The following ST14 variants were observed in gnomAD, a reference collection of about 807,000 sequenced individuals.
ST14 encodes suppressor of tumorigenicity 14 protein.
ST14 carries 40 observed loss-of-function variants against 96.5 expected under a neutral mutation model. The observed-to-expected ratio is 0.41, with a 90% CI of 0.32 to 0.54. ST14 has a LOEUF of 0.54. ST14 is among the 20% of genes least tolerant of loss of function. The pLI is 0.17. For synonymous variants in ST14, 506 were observed against 492.1 expected, an observed-to-expected ratio of 1.03 and a Z score of -0.37; for missense variants, 1,066 against 1,188.9, an observed-to-expected ratio of 0.90 and a Z score of 1.52.
intron 6 of ST14, 150 bp from the exon 7 acceptor site, chr11:130,190,304 G>A (rs1953283565): frequency 1.4e-6 from 2 of 1,478,160 alleles, no homozygotes; most frequent in East Asian, 2.3e-5. Context: ...CTTCTGAGAA[G>A]CCCCCTTCCT....
rs776827248 is a variant in ST14 at position 130,209,586 on chromosome 11, C to T, written c.2406+8C>T. 4 of 1,581,034 alleles carry T rather than the reference C, an allele frequency of 2.5e-6. No homozygotes were observed. Among genetic ancestry groups the T allele is most frequent in the South Asian group, 2.3e-5 (2 of 88,184 alleles). The stretch of plus-strand genomic sequence containing the variant: ...GGCGTGGACTCCTGCCAGGTGGCCC[C>T]CGGGGCAGGAGGGCGGCAGGTGGGC... On this transcript the variant is annotated splice_region_variant and intron_variant, in intron 18 of 18. Transcript: ENST00000278742.
intron 1 of ST14, among the ~76,000 whole-genome samples, chr11:130,175,726 C>T (rs779991636): frequency 3.3e-5 from 5 of 151,414 alleles, no homozygotes; most frequent in East Asian, 1.9e-4. Context: ...TGCAATGGTG[C>T]GATCTCGGCT....
intron 5 of ST14, 84 bp from the exon 6 acceptor site, chr11:130,190,029 G>T (rs150137736): frequency 1.9e-6 from 3 of 1,611,082 alleles, no homozygotes; most frequent in Non-Finnish European, 2.5e-6. Flanking sequence ...TGCTGGCCGG[G>T]CACCTCCCTT....
chr11:130,198,909 A>T (rs1953398597), intron 14 of ST14, 38 bp from the exon 15 acceptor site: 3 of 1,613,160 alleles, frequency 1.9e-6, no homozygotes, highest in Non-Finnish European at 2.5e-6. Flanking sequence ...GATGCTGCAG[A>T]GGAATTGAGC....
At chr11:130,199,846 G>A in intron 15 of ST14, 105 bp from the exon 16 acceptor site, 1 of 1,442,104 alleles carries the variant, frequency 6.9e-7, no homozygotes, top group East Asian at 2.3e-5. Flanking sequence ...CACGCCAAAA[G>A]CTGGCTTCCC....
chr11:130,187,839 C>T lies in ST14; in HGVS notation c.82-275C>T, dbSNP rs111414095. On this transcript the variant is annotated intron_variant, in intron 1 of 18. Coordinates refer to ENST00000278742, the MANE Select transcript of ST14 (RefSeq NM_021978.4). The surrounding 1 kb of genome is among the most constrained non-coding windows in gnomAD (Gnocchi z 4.5). ...TGCGTTTTAATTTAAATGAACAATT[C>T]GTAAGCAATGATCGCCTGGTGCTGT... is the stretch of plus-strand genomic sequence containing the variant. Among the ~76,000 whole-genome samples, 8 of 152,144 alleles carry T rather than the reference C, an allele frequency of 5.3e-5. No homozygotes were observed. The highest frequency in any genetic ancestry group is 1.3e-4 in the Admixed American group (2 of 15,278).
chr11:130,202,982 T>G (rs1953445793), intron 16 of ST14, among the ~76,000 whole-genome samples: 2 of 152,122 alleles, frequency 1.3e-5, no homozygotes, highest in South Asian at 4.1e-4. Flanking sequence ...GGCTGCATCT[T>G]CACAATCAGT....
rs539769814 is a variant in ST14 at position 130,205,142 on chromosome 11, T to G, written c.1995-3268T>G. On this transcript the variant is annotated intron_variant, in intron 16 of 18. Coordinates refer to ENST00000278742, the MANE Select transcript of ST14 (RefSeq NM_021978.4). ...GGACTAGTACAGTGAACACTTTTTTTTTTGAGACAGAGTCTCACTCTGTCC... is the reference window on the plus strand; with the variant it reads ...GGACTAGTACAGTGAACACTTTTTTGTTTGAGACAGAGTCTCACTCTGTCC... 8.5e-5 allele frequency among the ~76,000 whole-genome samples: 13 copies of G among 152,306 alleles called. No homozygotes were observed. In the South Asian group the frequency reaches 2.7e-3, roughly 32 times the overall value.
At chr11:130,189,359 G>A in intron 4 of ST14, 1 of 444,248 alleles carries the variant, frequency 2.3e-6, no homozygotes, top group South Asian at 2.4e-5. Flanking sequence ...TTGCTAGTTC[G>A]TTTGAACCCT....
chr11:130,207,883 C>T (rs1953505079), intron 16 of ST14, among the ~76,000 whole-genome samples: 1 of 152,130 alleles, frequency 6.6e-6, no homozygotes, highest in Admixed American at 6.5e-5. Context: ...CCAGCCTGAC[C>T]ACCATGATGA....
rs149056547 is a variant in ST14 at position 130,189,791 on chromosome 11, C to G, written c.493C>G (p.Leu165Val). Residue 165 changes from leucine (L) to valine (V), a missense_variant, in exon 5 of 19, where the codon CTG becomes GTG. By Grantham distance (32) the Leu-to-Val change is conservative. Transcript: ENST00000278742. ...YWSEFSIPQHLVEEAERVMAE... is the reference protein window; with the variant it reads ...YWSEFSIPQHVVEEAERVMAE... ...GTCTGAGTTCAGCATCCCGCAGCAC[C>G]TGGTGGAGGAGGCCGAGCGCGTCAT... is the stretch of plus-strand genomic sequence containing the variant. 1.2e-5 allele frequency: 20 copies of G among 1,613,848 alleles called. No individual in the cohort carries two copies. Among genetic ancestry groups the G allele is most frequent in the Admixed American group, 1.7e-5 (1 of 60,034 alleles).
Position 130,189,739 on chromosome 11 carries a change from C to A in ST14, c.441C>A (p.Ser147Arg). The change falls in exon 5 of 19, where the codon AGC (serine) becomes AGA (arginine). Residue 147 changes from serine to arginine, a missense_variant and splice_region_variant. Physicochemically the swap from Ser to Arg is moderately radical, Grantham distance 110. Coordinates refer to ENST00000278742, the MANE Select transcript of ST14 (RefSeq NM_021978.4). ...CCTCAGGCTCCCGCTCTCTCCCCAG[C>A]GAGGGCAGCGTCATCGCCTACTACT... ...YHKESAVTAFSEGSVIAYYWS... is the reference protein window; with the variant it reads ...YHKESAVTAFREGSVIAYYWS... 6.2e-7 allele frequency: 1 copy of A among 1,611,670 alleles called. No individual in the cohort carries two copies. Among genetic ancestry groups the A allele is most frequent in the Non-Finnish European group, 8.5e-7 (1 of 1,179,868 alleles).
At chr11:130,196,976 C>G (rs4245087) in intron 11 of ST14, among the ~76,000 whole-genome samples, 1 of 151,792 alleles carries the variant, frequency 6.6e-6, no homozygotes, top group African/African-American at 2.4e-5. Flanking sequence ...TGAGCTTCCC[C>G]GGCCATCTGT....
Position 130,194,774 on chromosome 11 carries a change from G to A in ST14, c.1113+37G>A, listed in dbSNP as rs770308361. On this transcript the variant is annotated intron_variant, in intron 9 of 18. Coordinates refer to ENST00000278742, the MANE Select transcript of ST14 (RefSeq NM_021978.4). ...GGGGCGTGTGAACGTGTGTGTGTGT[G>A]AGCATGTATGTGCACGTGTGTGTGT... The A allele has an allele frequency of 8.1e-6, 13 of 1,598,990 alleles. No individual in the cohort carries two copies. The South Asian group carries it at 1.1e-4, about 14-fold the overall frequency.
rs111414095 is a variant in ST14 at position 130,187,839 on chromosome 11, C to G, written c.82-275C>G. 6.6e-6 allele frequency among the ~76,000 whole-genome samples: 1 copy of G among 152,144 alleles called. No homozygotes were observed. The highest frequency in any genetic ancestry group is 1.9e-4 in the East Asian group (1 of 5,180). Reference sequence around the variant, plus strand: ...TGCGTTTTAATTTAAATGAACAATTCGTAAGCAATGATCGCCTGGTGCTGT... The same window carrying G: ...TGCGTTTTAATTTAAATGAACAATTGGTAAGCAATGATCGCCTGGTGCTGT... On this transcript the variant is annotated intron_variant, in intron 1 of 18. Coordinates refer to ENST00000278742, the MANE Select transcript of ST14 (RefSeq NM_021978.4). This position sits in a 1 kb window ranked among gnomAD's most constrained non-coding sequence, Gnocchi z 4.5.
chr11:130,190,055 C>T (rs1302181110), intron 5 of ST14, 58 bp from the exon 6 acceptor site: 2 of 1,613,068 alleles, frequency 1.2e-6, no homozygotes, highest in Admixed American at 1.7e-5. Context: ...AATAAGGAAG[C>T]AGGAATAAGG....
chr11:130,167,757 T>C (rs1439722068), intron 1 of ST14, among the ~76,000 whole-genome samples: 1 of 151,988 alleles, frequency 6.6e-6, no homozygotes, highest in East Asian at 1.9e-4. Flanking sequence ...CTCTGTCGCC[T>C]AGGCTGGAGT....
rs767980745 is a variant in ST14, at chr11:130,198,633, C to G, written c.1684+12C>G. The G allele has an allele frequency of 6.8e-6, 11 of 1,608,420 alleles. No individual in the cohort carries two copies. Among genetic ancestry groups the G allele is most frequent in the East Asian group, 2.2e-5 (1 of 44,822 alleles). On this transcript the variant is annotated intron_variant, in intron 14 of 18. Transcript: ENST00000278742. ...CTCCTGCCCCAAGGGTGAGGCCCGC[C>G]CCACCCATCTTCCTGTTGGGGGCCT...
chr11:130,160,300 G>C (rs1035742448), intron 1 of ST14, among the ~76,000 whole-genome samples: 3 of 151,834 alleles, frequency 2.0e-5, no homozygotes, highest in Non-Finnish European at 2.9e-5. Context: ...GCCTTCCTGC[G>C]CCCTCGGTCC....
Sources: gnomAD v4.1 joint callset for allele counts (sites outside exome capture counted in the v4.1 genomes callset) on GRCh38, gnomAD v4.1.1 for gene constraint, Gnocchi (gnomAD v3.1) non-coding constraint, MANE v1.5 for transcripts, NCBI Gene and HGNC (gene_info 2026-07-23, HGNC 2026-07-21) for gene names.